The following FTO variants were observed in gnomAD, a reference collection of about 807,000 sequenced individuals.
FTO encodes alpha-ketoglutarate-dependent dioxygenase FTO.
Under a neutral mutation model 63.9 loss-of-function variants are expected in FTO, and 47 were observed. The ratio of observed to expected loss-of-function variants is 0.74; its 90% CI spans 0.58 to 0.94. FTO has a LOEUF of 0.94. Among genes scored for constraint, FTO ranks in the 40% least tolerant of loss-of-function variants. The pLI, the probability that FTO is intolerant of heterozygous loss-of-function variation, is 0.00. For synonymous variants in FTO, 207 were observed against 224.4 expected, an observed-to-expected ratio of 0.92 and a Z score of 0.69; for missense variants, 562 against 618.1, an observed-to-expected ratio of 0.91 and a Z score of 0.96.
intron 5 of FTO, among the ~76,000 whole-genome samples, chr16:53,878,607 A>G (rs1345712627): frequency 6.6e-6 from 1 of 152,228 alleles, no homozygotes; most frequent in East Asian, 1.9e-4. Context: ...AATTATAAAT[A>G]ATAAAACCAA....
At chr16:53,845,243 A>G (rs768944323) in intron 4 of FTO, among the ~76,000 whole-genome samples, 3 of 152,192 alleles carry the variant, frequency 2.0e-5, no homozygotes, top group Non-Finnish European at 4.4e-5. Flanking sequence ...ATCTACCTGG[A>G]GAAATCTACT....
intron 8 of FTO, among the ~76,000 whole-genome samples, chr16:54,098,055 G>A (rs1294865644): frequency 2.0e-5 from 3 of 152,164 alleles, no homozygotes; most frequent in African/African-American, 4.8e-5. Context: ...TGAACAATGG[G>A]ATGAGTGCAA....
intron 2 of FTO, among the ~76,000 whole-genome samples, chr16:53,823,029 C>G (rs766185712): frequency 6.6e-6 from 1 of 152,162 alleles, no homozygotes; most frequent in East Asian, 1.9e-4. Context: ...TTTTTCTACT[C>G]CCCTTCATAG....
At chr16:54,014,551 C>CT (rs1325617111) in intron 8 of FTO, among the ~76,000 whole-genome samples, 6 of 152,004 alleles carry the variant, frequency 3.9e-5, no homozygotes, top group Non-Finnish European at 5.9e-5. Context: ...AAATAAACTT[C>CT]TTTTTTTATA....
intron 4 of FTO, among the ~76,000 whole-genome samples, chr16:53,869,967 A>G (rs1044157692): frequency 6.6e-6 from 1 of 152,162 alleles, no homozygotes; most frequent in African/African-American, 2.4e-5. Flanking sequence ...GAGGAACTGC[A>G]GTAATAATGT....
At chr16:53,872,268 T>C (rs2080521934) in intron 4 of FTO, among the ~76,000 whole-genome samples, 1 of 152,220 alleles carries the variant, frequency 6.6e-6, no homozygotes, top group South Asian at 2.1e-4. Context: ...CCTTGGGAAA[T>C]TTTTATTCAT....
At chr16:54,108,442 G>A (rs1266393093) in intron 8 of FTO, among the ~76,000 whole-genome samples, 1 of 152,144 alleles carries the variant, frequency 6.6e-6, no homozygotes, top group Non-Finnish European at 1.5e-5. Flanking sequence ...GTCAAAATGT[G>A]ATAGGATCCA....
At position 53,883,640 on chromosome 16, in the gene FTO, A is replaced by AAAAAC. The variant is rs1555488989; in HGVS notation, c.1119+3657_1119+3658insCAAAA. Among the ~76,000 whole-genome samples, 269 of 150,220 alleles carry AAAAAC rather than the reference A, an allele frequency of 1.8e-3. 3 individuals carry two copies. Among genetic ancestry groups the AAAAAC allele is most frequent in the African/African-American group, 6.2e-3 (251 of 40,386 alleles). On this transcript the variant is annotated intron_variant, in intron 6 of 8. Transcript: ENST00000471389. The stretch of plus-strand genomic sequence containing the variant: ...TCTATCTCAAAAAAAAAAAAACAAA[A>AAAAAC]AAAAAAAAACAAATTTGTCTGCTTC...
At chr16:53,956,247 A>G (rs1213243598) in intron 8 of FTO, among the ~76,000 whole-genome samples, 2 of 152,130 alleles carry the variant, frequency 1.3e-5, no homozygotes, top group African/African-American at 2.4e-5. Context: ...CATCCCTGTG[A>G]TATTTCTCTC....
chr16:53,835,296 T>C (rs2079257938), intron 3 of FTO, among the ~76,000 whole-genome samples: 1 of 152,190 alleles, frequency 6.6e-6, no homozygotes, highest in Non-Finnish European at 1.5e-5. Flanking sequence ...CTTCTCTCTT[T>C]TGTGAACTCC....
At position 53,760,237 on chromosome 16, in the gene FTO, TGTGTGTGTGTGTGTGTGTGTGTG is replaced by T. The variant is rs1410303147; in HGVS notation, c.46-49902_46-49880del. On this transcript the variant is annotated intron_variant, in intron 1 of 8. Coordinates refer to ENST00000471389, the MANE Select transcript of FTO (RefSeq NM_001080432.3). ...GTGTGTGTGTGTGTGTGTGTGTGTG[TGTGTGTGTGTGTGTGTGTGTGTG>T]TTTTTTGGAGACAGGGTCTCACTTT... Among the ~76,000 whole-genome samples, 43 of 15,672 alleles carry T rather than the reference TGTGTGTGTGTGTGTGTGTGTGTG, an allele frequency of 2.7e-3. 3 individuals carry two copies. In the African/African-American group the frequency reaches 0.03, roughly 11 times the overall value. The allele number at this position is 15,672 out of a possible 152,430, so 10.3% of individuals were successfully genotyped here.
At chr16:53,931,173 C>T (rs963542004) in intron 7 of FTO, among the ~76,000 whole-genome samples, 1 of 151,932 alleles carries the variant, frequency 6.6e-6, no homozygotes, top group Non-Finnish European at 1.5e-5. Context: ...AATAGATTCA[C>T]AGGGGGGAAA....
At chr16:53,804,632 CTTT>C (rs10602540) in intron 1 of FTO, among the ~76,000 whole-genome samples, 19 of 130,138 alleles carry the variant, frequency 1.5e-4, no homozygotes, top group Admixed American at 1.6e-4. Flanking sequence ...TCTTATTGAT[CTTT>C]TTTTTTTTTT....
In FTO at chr16:53,946,889, T is replaced by A. The variant is rs113964298; in HGVS notation, c.1364+12780T>A. 3.9e-3 allele frequency among the ~76,000 whole-genome samples: 593 copies of A among 152,358 alleles called. 2 individuals are homozygous for A. The highest frequency in any genetic ancestry group is 6.2e-3 in the Non-Finnish European group (425 of 68,042). On this transcript the variant is annotated intron_variant, in intron 8 of 8. Coordinates refer to ENST00000471389, the MANE Select transcript of FTO (RefSeq NM_001080432.3). ...GCAGCCTGCACAGTAATGATATTGT[T>A]AGCTTGCTTCATTTCCAGTTTCACC...
chr16:54,051,297 C>T lies in FTO; in HGVS notation c.1365-60465C>T, dbSNP rs191628216. On this transcript the variant is annotated intron_variant, in intron 8 of 8. Coordinates refer to ENST00000471389, the MANE Select transcript of FTO (RefSeq NM_001080432.3). ...ATGGCATCTAGTAAACAGGCCGATC[C>T]TCCACTATAAGGAGAAATAGCCTTG... 5.1e-3 allele frequency among the ~76,000 whole-genome samples: 783 copies of T among 152,334 alleles called. 1 individual carries two copies. The highest frequency in any genetic ancestry group is 8.7e-3 in the Non-Finnish European group (595 of 68,038).
chr16:53,856,149 C>T (rs1183231987), intron 4 of FTO, among the ~76,000 whole-genome samples: 1 of 151,944 alleles, frequency 6.6e-6, no homozygotes, highest in African/African-American at 2.4e-5. Flanking sequence ...TTATTTGCCA[C>T]TCCTGTAAAG....
At chr16:53,966,937 G>T (rs1444238857) in intron 8 of FTO, among the ~76,000 whole-genome samples, 1 of 152,096 alleles carries the variant, frequency 6.6e-6, no homozygotes, top group East Asian at 1.9e-4. Flanking sequence ...AATTATAATG[G>T]CCTGATCCGT....
intron 8 of FTO, among the ~76,000 whole-genome samples, chr16:53,950,400 A>G (rs1411308548): frequency 6.6e-6 from 1 of 152,164 alleles, no homozygotes; most frequent in African/African-American, 2.4e-5. Context: ...GGATTCTTCT[A>G]AAGATCAAAT....
intron 7 of FTO, among the ~76,000 whole-genome samples, chr16:53,919,815 G>A (rs2081966866): frequency 6.6e-6 from 1 of 152,070 alleles, no homozygotes; most frequent in African/African-American, 2.4e-5. Context: ...ATGATACAAT[G>A]GACTTTGGGG....
Sources: allele counts gnomAD v4.1 joint callset (sites outside exome capture counted in the v4.1 genomes callset), GRCh38; gene constraint gnomAD v4.1.1; transcripts MANE v1.5; gene names NCBI Gene and HGNC (gene_info 2026-07-23, HGNC 2026-07-21).